Variants in AQR observed in about 807,000 individuals in gnomAD.
The protein encoded by AQR is RNA helicase aquarius.
In AQR, 61 loss-of-function variants were observed where a neutral mutation model predicts 180.5. The ratio of observed to expected loss-of-function variants is 0.34; its 90% CI spans 0.28 to 0.42. The LOEUF is 0.42. Among genes scored for constraint, AQR ranks in the 10% least tolerant of loss-of-function variants. The pLI, the probability that AQR is intolerant of heterozygous loss-of-function variation, is 1.00. For synonymous variants in AQR, 551 were observed against 588.8 expected, an observed-to-expected ratio of 0.94 and a Z score of 0.93; for missense variants, 1,281 against 1,798.3, an observed-to-expected ratio of 0.71 and a Z score of 5.20.
chr15:34,961,309 C>T (rs1178173695), intron 2 of AQR, among the ~76,000 whole-genome samples: 2 of 151,972 alleles, frequency 1.3e-5, no homozygotes, highest in Admixed American at 6.6e-5. Flanking sequence ...GAATGGTGTA[C>T]TACTTAAGAA....
At chr15:34,878,730 C>T (rs979791740) in intron 27 of AQR, among the ~76,000 whole-genome samples, 1 of 151,994 alleles carries the variant, frequency 6.6e-6, no homozygotes, top group Non-Finnish European at 1.5e-5. Flanking sequence ...TATTTAACTT[C>T]GTGTTTGTAA....
At position 34,865,961 on chromosome 15, in the gene AQR, T is replaced by C. The variant is rs183987636; in HGVS notation, c.3854+1563A>G. Among the ~76,000 whole-genome samples, 31 of 152,248 alleles carry C rather than the reference T, an allele frequency of 2.0e-4. No homozygotes were observed. In the East Asian group the frequency reaches 5.4e-3, roughly 27 times the overall value. Reference sequence around the variant, plus strand: ...TCCTGCTACAGTGATGAAAATGTTCTAAAATTGATTGTGGAGATAACTGCA... The same window carrying C: ...TCCTGCTACAGTGATGAAAATGTTCCAAAATTGATTGTGGAGATAACTGCA... On this transcript the variant is annotated intron_variant, in intron 32 of 34. Transcript: ENST00000156471.
intron 23 of AQR, among the ~76,000 whole-genome samples, chr15:34,891,092 CTAGG>C (rs1226789955): frequency 6.6e-6 from 1 of 152,060 alleles, no homozygotes; most frequent in East Asian, 1.9e-4. Context: ...TTATAAACAC[CTAGG>C]TTATATAATG....
rs555159203 is a variant in AQR, at chr15:34,883,196, G to A, written c.3028-557C>T. Among the ~76,000 whole-genome samples, 33 of 152,164 alleles carry A rather than the reference G, an allele frequency of 2.2e-4. 1 individual carries two copies. The South Asian group carries it at 5.8e-3, about 27-fold the overall frequency. On this transcript the variant is annotated intron_variant, in intron 26 of 34. Transcript: ENST00000156471. ...TGAAAGAGATGAAACCCAAGGCAGA[G>A]GGAACTGATGAAGAAATACCTTGGC...
At chr15:34,885,480 G>A (rs770611654) in intron 25 of AQR, among the ~76,000 whole-genome samples, 15 of 152,208 alleles carry the variant, frequency 9.9e-5, no homozygotes, top group Non-Finnish European at 1.6e-4. Context: ...TAGGAACAAG[G>A]GCTAGGGAAT....
intron 19 of AQR, among the ~76,000 whole-genome samples, chr15:34,902,511 T>G (rs977543375): frequency 6.6e-6 from 1 of 152,150 alleles, no homozygotes; most frequent in African/African-American, 2.4e-5. Context: ...CAGGACACTT[T>G]TATCCACAGG....
In AQR at chr15:34,953,064, T is replaced by C. The variant is rs1566790642; in HGVS notation, c.174-144A>G. 2.1e-5 allele frequency: 11 copies of C among 525,940 alleles called. No homozygotes were observed. The East Asian group carries it at 3.5e-4, about 17-fold the overall frequency. The allele number at this position is 525,940 out of a possible 1,614,324, so 32.6% of individuals were successfully genotyped here. A position where few individuals can be genotyped will look rare whatever the true frequency, so the allele number is the denominator to read the frequency against. ...TAATATCAGATCACAACTTCTAATG[T>C]CAGTTCAACTTCTTAAGCACTGACC... On this transcript the variant is annotated intron_variant, in intron 3 of 34. Coordinates refer to ENST00000156471, the MANE Select transcript of AQR (RefSeq NM_014691.3).
chr15:34,930,400 C>A, intron 11 of AQR, 29 bp from the exon 12 acceptor site: 1 of 1,270,798 alleles, frequency 7.9e-7, no homozygotes, highest in South Asian at 1.2e-5. Flanking sequence ...ATGTATAAAT[C>A]ATATGAACAT....
intron 1 of AQR, among the ~76,000 whole-genome samples, chr15:34,968,429 TTTTTA>T (rs1257762237): frequency 6.6e-6 from 1 of 151,940 alleles, no homozygotes; most frequent in African/African-American, 2.4e-5. Context: ...ATTTTTTTTC[TTTTTA>T]TTTTTAGTAG....
intron 20 of AQR, among the ~76,000 whole-genome samples, chr15:34,900,291 T>C (rs747750402): frequency 4.6e-5 from 7 of 152,240 alleles, no homozygotes; most frequent in African/African-American, 7.2e-5. Flanking sequence ...GCTGCATTAG[T>C]TGAGAAACAT....
intron 1 of AQR, 103 bp from the exon 2 acceptor site, chr15:34,964,393 C>G (rs777673629): frequency 6.4e-6 from 6 of 940,340 alleles, no homozygotes; most frequent in Non-Finnish European, 1.0e-5. Context: ...AGGCCCTACT[C>G]GGCACTGGGG....
intron 12 of AQR, among the ~76,000 whole-genome samples, chr15:34,928,870 T>C (rs561073368): frequency 3.7e-4 from 57 of 152,356 alleles, no homozygotes; most frequent in Admixed American, 6.5e-4. Context: ...GAGTTTTTAA[T>C]AATTGCCATT....
At chr15:34,875,334 T>C (rs1892875731) in intron 28 of AQR, among the ~76,000 whole-genome samples, 1 of 152,200 alleles carries the variant, frequency 6.6e-6, no homozygotes, top group Non-Finnish European at 1.5e-5. Context: ...ACTCTATATG[T>C]CTCCTAGTTC....
intron 3 of AQR, among the ~76,000 whole-genome samples, chr15:34,959,826 C>T (rs1461404532): frequency 1.3e-5 from 2 of 152,190 alleles, no homozygotes; most frequent in Admixed American, 1.3e-4. Flanking sequence ...CTAATTAATT[C>T]CCTGCCTCTT....
chr15:34,926,309 C>A (rs1419315281), intron 13 of AQR, among the ~76,000 whole-genome samples: 1 of 151,988 alleles, frequency 6.6e-6, no homozygotes, highest in East Asian at 1.9e-4. Context: ...ACAACCAAAC[C>A]AACCTCAGTT....
intron 27 of AQR, among the ~76,000 whole-genome samples, chr15:34,876,956 T>G (rs181692280): frequency 6.6e-6 from 1 of 152,314 alleles, no homozygotes; most frequent in African/African-American, 2.4e-5. Flanking sequence ...GACTTCCCAA[T>G]CTAAAACTGA....
At chr15:34,956,696 G>GGAAA (rs1555375570) in intron 3 of AQR, among the ~76,000 whole-genome samples, 12 of 83,370 alleles carry the variant, frequency 1.4e-4, no homozygotes, top group Non-Finnish European at 8.7e-5. Context: ...TAAGAAGTCA[G>GGAAA]AAAAAAAAAA....
intron 27 of AQR, among the ~76,000 whole-genome samples, chr15:34,881,310 C>T (rs1892969595): frequency 1.3e-5 from 2 of 152,126 alleles, no homozygotes; most frequent in Admixed American, 6.5e-5. Flanking sequence ...GCTGAGGAAC[C>T]TTGCATCCAA....
chr15:34,948,401 G>A lies in AQR; in HGVS notation c.210-17C>T. The A allele has an allele frequency of 6.2e-7, 1 of 1,608,912 alleles. No homozygotes were observed. Among genetic ancestry groups the A allele is most frequent in the Non-Finnish European group, 8.5e-7 (1 of 1,179,196 alleles). ...AGATACTGGCTGTAAAGAGTAAAAAGCATAGAATACTTCATTAGTTACCAC... is the reference window on the plus strand; with the variant it reads ...AGATACTGGCTGTAAAGAGTAAAAAACATAGAATACTTCATTAGTTACCAC... On this transcript the variant is annotated splice_polypyrimidine_tract_variant and intron_variant, in intron 4 of 34. Coordinates refer to ENST00000156471, the MANE Select transcript of AQR (RefSeq NM_014691.3).
Sources: gnomAD v4.1 joint callset for allele counts (sites outside exome capture counted in the v4.1 genomes callset) on GRCh38, gnomAD v4.1.1 for gene constraint, MANE v1.5 for transcripts, NCBI Gene and HGNC (gene_info 2026-07-23, HGNC 2026-07-21) for gene names.